The following SYN2 variants were observed in gnomAD, a reference collection of about 807,000 sequenced individuals.
SYN2 encodes synapsin-2.
Under a neutral mutation model 50.9 loss-of-function variants are expected in SYN2, and 19 were observed. The observed-to-expected ratio is 0.37, with a 90% CI of 0.26 to 0.55. SYN2 has a LOEUF of 0.55. SYN2 is among the 20% of genes least tolerant of loss of function. The pLI, the probability that SYN2 is intolerant of heterozygous loss-of-function variation, is 0.81. For synonymous variants in SYN2, 255 were observed against 224.9 expected, an observed-to-expected ratio of 1.13 and a Z score of -1.20; for missense variants, 587 against 576.4, an observed-to-expected ratio of 1.02 and a Z score of -0.19.
intron 1 of SYN2, among the ~76,000 whole-genome samples, chr3:12,111,612 C>A (rs1696317878): frequency 6.6e-6 from 1 of 152,182 alleles, no homozygotes; most frequent in Admixed American, 6.6e-5. Context: ...TTTAGCAGAT[C>A]TTACTTTTTA....
At chr3:12,129,588 CT>C (rs142631049) in intron 1 of SYN2, among the ~76,000 whole-genome samples, 7 of 152,144 alleles carry the variant, frequency 4.6e-5, no homozygotes, top group African/African-American at 1.2e-4. Flanking sequence ...ACTCTTCCTT[CT>C]TTTTGATTCA....
intron 1 of SYN2, among the ~76,000 whole-genome samples, chr3:12,103,759 A>T (rs1048332539): frequency 2.6e-5 from 4 of 152,316 alleles, no homozygotes; most frequent in South Asian, 4.1e-4. Context: ...AAAACTTCCA[A>T]ATCAGTCCAA....
intron 1 of SYN2, among the ~76,000 whole-genome samples, chr3:12,020,245 T>C (rs900611509): frequency 1.3e-5 from 2 of 152,096 alleles, no homozygotes; most frequent in East Asian, 3.9e-4. Flanking sequence ...GAACTCAGAG[T>C]GGCATCAGAC....
intron 1 of SYN2, among the ~76,000 whole-genome samples, chr3:12,092,805 G>A (rs956668534): frequency 1.1e-4 from 17 of 152,184 alleles, no homozygotes; most frequent in Non-Finnish European, 1.6e-4. Context: ...CATTTGAGAG[G>A]TGGAAGAAGG....
chr3:12,019,316 G>C (rs307614), intron 1 of SYN2, among the ~76,000 whole-genome samples: 111,380 of 152,046 alleles, frequency 0.73, 41,052 homozygotes, highest in Admixed American at 0.8. Context: ...ATTCAGTAGA[G>C]TGAGCCCGTG....
In SYN2 at chr3:12,185,626, C is replaced by A. The variant is rs578063522; in HGVS notation, c.1370-1743C>A. On this transcript the variant is annotated intron_variant, in intron 11 of 12. Coordinates refer to ENST00000621198, the MANE Select transcript of SYN2 (RefSeq NM_133625.6). ...GTTGTCCCCTTTTTTTGTACTGATC[C>A]AACTGGGAGAACCTCAGCCAATGCT... is the stretch of plus-strand genomic sequence containing the variant. 1.9e-5 allele frequency: 19 copies of A among 985,860 alleles called. No individual in the cohort carries two copies. In the South Asian group the frequency reaches 7.5e-4, roughly 39 times the overall value. The allele number at this position is 985,860 out of a possible 1,614,324, so 61.1% of individuals were successfully genotyped here. A position where few individuals can be genotyped will look rare whatever the true frequency, so the allele number is the denominator to read the frequency against.
Position 12,057,508 on chromosome 3 carries a change from T to C in SYN2, c.377+52580T>C, listed in dbSNP as rs942070001. ...TTATTTTCAGTCCTCTTATGTGATA[T>C]GACTTTAGCCATGAACATTGTATAA... On this transcript the variant is annotated intron_variant, in intron 1 of 12. Transcript: ENST00000621198. 3.9e-5 allele frequency among the ~76,000 whole-genome samples: 6 copies of C among 152,294 alleles called. No homozygotes were observed. In the East Asian group the frequency reaches 5.8e-4, roughly 15 times the overall value.
intron 1 of SYN2, among the ~76,000 whole-genome samples, chr3:12,060,570 C>T (rs1233971042): frequency 1.3e-5 from 2 of 152,154 alleles, no homozygotes; most frequent in Admixed American, 6.6e-5. Flanking sequence ...TACCACCACA[C>T]CAACAGGGCT....
At chr3:12,116,889 T>G (rs1460735934) in intron 1 of SYN2, among the ~76,000 whole-genome samples, 10 of 152,288 alleles carry the variant, frequency 6.6e-5, no homozygotes, top group African/African-American at 2.4e-4. Flanking sequence ...TAGGTGGGAC[T>G]ACAGGCATGC....
chr3:12,019,185 T>C (rs1694079119), intron 1 of SYN2, among the ~76,000 whole-genome samples: 1 of 152,134 alleles, frequency 6.6e-6, no homozygotes, highest in Admixed American at 6.5e-5. Flanking sequence ...GATGCTGAAA[T>C]GGGGGAATTT....
chr3:12,020,585 G>C (rs563866316), intron 1 of SYN2, among the ~76,000 whole-genome samples: 1 of 152,220 alleles, frequency 6.6e-6, no homozygotes, highest in African/African-American at 2.4e-5. Context: ...CTAGGTAGCA[G>C]CTTTGAAGGA....
At chr3:12,134,434 C>T (rs964829708) in intron 1 of SYN2, among the ~76,000 whole-genome samples, 25 of 152,194 alleles carry the variant, frequency 1.6e-4, no homozygotes, top group South Asian at 4.1e-4. Context: ...GTGCTGGGCC[C>T]CTGTAGTGCC....
intron 1 of SYN2, among the ~76,000 whole-genome samples, chr3:12,034,254 A>C (rs1694445857): frequency 6.6e-6 from 1 of 152,094 alleles, no homozygotes. Context: ...GTAGTATCTC[A>C]TTGTGGTTTT....
intron 1 of SYN2, among the ~76,000 whole-genome samples, chr3:12,072,547 A>G (rs569458526): frequency 2.0e-5 from 3 of 152,286 alleles, no homozygotes; most frequent in African/African-American, 7.2e-5. Context: ...ATATCGATAT[A>G]TGGTTGTCCC....
chr3:12,027,999 T>C (rs1694300193), intron 1 of SYN2, among the ~76,000 whole-genome samples: 1 of 145,962 alleles, frequency 6.9e-6, no homozygotes, highest in South Asian at 2.2e-4. Flanking sequence ...ATTTTTTTAT[T>C]TTTTTATTTT....
At chr3:12,172,074 G>C (rs1697949556) in intron 10 of SYN2, among the ~76,000 whole-genome samples, 1 of 152,126 alleles carries the variant, frequency 6.6e-6, no homozygotes, top group Non-Finnish European at 1.5e-5. Flanking sequence ...GCTTTTCTTT[G>C]CTCAACCTTA....
In SYN2 at chr3:12,159,050, G is replaced by A. The variant is rs763205117; in HGVS notation, c.775-2496G>A. ...CTCTTCCGACCTGCATACTCAGTAA[G>A]ATGCAGAGGGAAGCCTGGAAGGAGG... is the stretch of plus-strand genomic sequence containing the variant. On this transcript the variant is annotated intron_variant, in intron 5 of 12. Coordinates refer to ENST00000621198, the MANE Select transcript of SYN2 (RefSeq NM_133625.6). 7 of 605,352 alleles carry A rather than the reference G, an allele frequency of 1.2e-5. No individual in the cohort carries two copies. In the East Asian group the frequency reaches 1.7e-4, roughly 14 times the overall value. The allele number at this position is 605,352 out of a possible 1,614,324, so 37.5% of individuals were successfully genotyped here. A position where few individuals can be genotyped will look rare whatever the true frequency, so the allele number is the denominator to read the frequency against.
chr3:12,144,297 G>A (rs1302607970), intron 3 of SYN2, among the ~76,000 whole-genome samples: 1 of 152,170 alleles, frequency 6.6e-6, no homozygotes, highest in Non-Finnish European at 1.5e-5. Context: ...AAAAATATTT[G>A]TACCCCTCCC....
At chr3:12,168,607 G>A in intron 9 of SYN2, 129 bp downstream of exon 9, 2 of 775,060 alleles carry the variant, frequency 2.6e-6, no homozygotes, top group East Asian at 2.8e-5. Context: ...GGTAGCTATT[G>A]TTTCTAACCT....
Sources: allele counts gnomAD v4.1 joint callset (sites outside exome capture counted in the v4.1 genomes callset), GRCh38; gene constraint gnomAD v4.1.1; transcripts MANE v1.5; gene names NCBI Gene and HGNC (gene_info 2026-07-23, HGNC 2026-07-21).